The following GPR21 variants were observed in gnomAD, a reference collection of about 807,000 sequenced individuals.
GPR21 encodes the protein probable G protein-coupled receptor 21.
Under a neutral mutation model 21.5 loss-of-function variants are expected in GPR21, and 9 were observed. The ratio of observed to expected loss-of-function variants is 0.42; its 90% CI spans 0.25 to 0.73. GPR21 has a LOEUF of 0.73. GPR21 is among the 30% of genes least tolerant of loss of function. The probability of loss-of-function intolerance (pLI) is 0.27; values close to 1 mark genes in which losing one functional copy is unlikely to be tolerated. For synonymous variants in GPR21, 169 were observed against 159.3 expected (o/e 1.06, Z -0.46); for missense variants, 416 against 428.9 (o/e 0.97, Z 0.27).
the GPR21 span, among the ~76,000 whole-genome samples, chr9:123,044,326 G>A: frequency 6.6e-6 from 1 of 152,136 alleles, no homozygotes; most frequent in African/African-American, 2.4e-5. Flanking sequence ...GTAAATGGGG[G>A]CATAATAGCA....
In GPR21 at chr9:123,035,211, C is replaced by T; in HGVS notation, c.645C>T (p.Phe215=). Residue 215 remains phenylalanine (F), a synonymous_variant, in exon 2 of 2, where the codon TTC becomes TTT. Coordinates refer to ENST00000616002, the MANE Select transcript of GPR21 (RefSeq NM_005294.3). Reference sequence around the variant, plus strand: ...TCTGCTTCACCTATTTCAACATCTTCCGCATCTGCCAACAGCACACAAAGG... The same window carrying T: ...TCTGCTTCACCTATTTCAACATCTTTCGCATCTGCCAACAGCACACAAAGG... ...LIVCFTYFNI[F]RICQQHTKDI... is the part of the protein sequence containing the mutation. 1 of 1,614,180 alleles carries T rather than the reference C, an allele frequency of 6.2e-7. No homozygotes were observed. The highest frequency in any genetic ancestry group is 8.5e-7 in the Non-Finnish European group (1 of 1,180,022).
chr9:123,035,704 T>TAGTG, downstream of GPR21: 1 of 847,100 alleles, frequency 1.2e-6, no homozygotes, highest in Non-Finnish European at 1.8e-6. Flanking sequence ...TAAGTATTCC[T>TAGTG]AATTCACTAG....
chr9:123,036,538 AAGACTTCTGAAATATTAGAACATC>A (rs2032672243), downstream of GPR21, among the ~76,000 whole-genome samples: 1 of 152,200 alleles, frequency 6.6e-6, no homozygotes, highest in Non-Finnish European at 1.5e-5. Flanking sequence ...TTTCTATTCA[AAGACTTCTGAAATATTAGAACATC>A]AGGGAGAAGG....
rs766909648 is a variant in GPR21, at chr9:123,034,984, C to T, written c.418C>T (p.Leu140=). 1 of 1,613,744 alleles carries T rather than the reference C, an allele frequency of 6.2e-7. No homozygotes were observed. Among genetic ancestry groups the T allele is most frequent in the Non-Finnish European group, 8.5e-7 (1 of 1,179,598 alleles). Residue 140 remains leucine (L), a synonymous_variant, in exon 2 of 2, where the codon CTG becomes TTG. Coordinates refer to ENST00000616002, the MANE Select transcript of GPR21 (RefSeq NM_005294.3). The part of the protein sequence containing the change: ...AITKPLTYNT[L]VTPWRLRLCI... ...TACTAAACCTTTAACCTATAATACT[C>T]TGGTTACACCCTGGAGACTACGCCT...
downstream of GPR21, among the ~76,000 whole-genome samples, chr9:123,037,079 T>A (rs780633827): frequency 3.9e-5 from 6 of 152,146 alleles, no homozygotes; most frequent in Non-Finnish European, 5.9e-5. Context: ...ATCTCTGCCT[T>A]TGGCTAGAGG....
chr9:123,048,376 AAAT>A, the GPR21 span, among the ~76,000 whole-genome samples: 1 of 152,204 alleles, frequency 6.6e-6, no homozygotes, highest in Non-Finnish European at 1.5e-5. Flanking sequence ...ATTTTCTTGG[AAAT>A]AATCCATTGA....
At position 123,034,399 on chromosome 9, in the gene GPR21, C is replaced by T; in HGVS notation, c.-168C>T. 1.6e-6 allele frequency: 1 copy of T among 606,328 alleles called. No individual in the cohort carries two copies. The highest frequency in any genetic ancestry group is 2.9e-6 in the Non-Finnish European group (1 of 343,458). The allele number at this position is 606,328 out of a possible 1,614,324, so 37.6% of individuals were successfully genotyped here. On this transcript the variant is annotated 5_prime_UTR_variant, in exon 2 of 2. Transcript: ENST00000616002. Reference sequence around the variant, plus strand: ...CCAGGAAGGATTTAAAGGGGAATTGCACTGCAGGCAATGCACCAGAGCAGC... The same window carrying T: ...CCAGGAAGGATTTAAAGGGGAATTGTACTGCAGGCAATGCACCAGAGCAGC...
the GPR21 span, among the ~76,000 whole-genome samples, chr9:123,047,919 GTTTTTTTTTTT>G: frequency 4.0e-4 from 25 of 62,274 alleles, no homozygotes; most frequent in Non-Finnish European, 6.4e-4. Flanking sequence ...CAGCTGCTGG[GTTTTTTTTTTT>G]TTTTTTTTTT....
the GPR21 span, among the ~76,000 whole-genome samples, chr9:123,043,895 A>C: frequency 6.0e-5 from 8 of 132,780 alleles, no homozygotes; most frequent in Non-Finnish European, 9.8e-5. Context: ...TAGGTGTATT[A>C]TTTTCTTTTT....
At chr9:123,042,264 A>G in the GPR21 span, among the ~76,000 whole-genome samples, 1 of 152,228 alleles carries the variant, frequency 6.6e-6, no homozygotes, top group Non-Finnish European at 1.5e-5. Context: ...GGTGATGCCC[A>G]TCAATCAACA....
In GPR21 at chr9:123,035,092, G is replaced by T; in HGVS notation, c.526G>T (p.Asp176Tyr). The change falls in exon 2 of 2, where the codon GAT becomes TAT. Residue 176 changes from aspartate (D) to tyrosine (Y), a missense_variant. Physicochemically the swap from Asp to Tyr is radical, Grantham distance 160. Coordinates refer to ENST00000616002, the MANE Select transcript of GPR21 (RefSeq NM_005294.3). ...CTGGGGCAAACCTGGATATCATGGA[G>T]ATGTGTTTCAGTGGTGTGCGGAGTC... ...FHWGKPGYHG[D>Y]VFQWCAESWH... The T allele has an allele frequency of 6.2e-7, 1 of 1,614,124 alleles. No homozygotes were observed. Among genetic ancestry groups the T allele is most frequent in the Non-Finnish European group, 8.5e-7 (1 of 1,180,018 alleles).
At chr9:123,046,524 C>G in the GPR21 span, among the ~76,000 whole-genome samples, 46 of 148,630 alleles carry the variant, frequency 3.1e-4, no homozygotes, top group Non-Finnish European at 6.3e-4. Context: ...GCTGTGAGAC[C>G]TGGGGCAAAG....
chr9:123,045,495 A>G, the GPR21 span, among the ~76,000 whole-genome samples: 1 of 152,290 alleles, frequency 6.6e-6, no homozygotes, highest in South Asian at 2.1e-4. Context: ...TCATTTTATA[A>G]TACTGAGGAT....
chr9:123,044,655 A>G, the GPR21 span, among the ~76,000 whole-genome samples: 30 of 126,468 alleles, frequency 2.4e-4, no homozygotes, highest in South Asian at 1.2e-3. Flanking sequence ...GTGTGTGTGT[A>G]TGTGTATGTA....
chr9:123,039,154 C>A (rs1352705654), downstream of GPR21, among the ~76,000 whole-genome samples: 2 of 152,184 alleles, frequency 1.3e-5, no homozygotes, highest in African/African-American at 4.8e-5. Flanking sequence ...TGTTCCCCCA[C>A]ACTTTGATCT....
exon 2 of GPR21, chr9:123,035,639 CGTGTGTGTGTGTGTGTGT>C (rs5900552): frequency 2.6e-3 from 1,911 of 733,272 alleles, 12 homozygotes; most frequent in African/African-American, 0.013. Flanking sequence ...ACGGGGTTCC[CGTGTGTGTGTGTGTGTGT>C]GTGTGTGTGT....
chr9:123,046,369 T>C, the GPR21 span, among the ~76,000 whole-genome samples: 1 of 152,144 alleles, frequency 6.6e-6, no homozygotes, highest in Non-Finnish European at 1.5e-5. Context: ...TTTTGGCAGC[T>C]CCTATTTTAA....
At chr9:123,044,889 A>G in the GPR21 span, among the ~76,000 whole-genome samples, 13 of 152,276 alleles carry the variant, frequency 8.5e-5, no homozygotes, top group Admixed American at 7.2e-4. Flanking sequence ...GAGATTTCGT[A>G]AAGTATCCAG....
chr9:123,037,721 T>A (rs1029078278), downstream of GPR21, among the ~76,000 whole-genome samples: 4 of 152,130 alleles, frequency 2.6e-5, no homozygotes, highest in Non-Finnish European at 5.9e-5. Context: ...TTGATCTTAT[T>A]TTGTTGTGTG....
Sources: gnomAD v4.1 joint callset for allele counts (sites outside exome capture counted in the v4.1 genomes callset) on GRCh38, gnomAD v4.1.1 for gene constraint, MANE v1.5 for transcripts, NCBI Gene and HGNC (gene_info 2026-07-23, HGNC 2026-07-21) for gene names.